The following CCDC178 variants were observed in gnomAD, a reference collection of about 807,000 sequenced individuals.
The protein encoded by CCDC178 is coiled-coil domain containing 178, also known as coiled-coil domain-containing protein 178.
A neutral mutation model predicts 117.4 loss-of-function variants in CCDC178; 126 were observed. The observed-to-expected ratio is 1.07, with a 90% CI of 0.93 to 1.24. The LOEUF is 1.24. Among genes scored for constraint, CCDC178 ranks in the 50% most tolerant of loss-of-function variants. The pLI is 0.00. For synonymous variants in CCDC178, 283 were observed against 313.4 expected (o/e 0.90, Z 1.02); for missense variants, 1,030 against 986.9 (o/e 1.04, Z -0.59).
At chr18:33,151,711 G>C (rs1159179254) in intron 20 of CCDC178, among the ~76,000 whole-genome samples, 1 of 152,076 alleles carries the variant, frequency 6.6e-6, no homozygotes, top group Admixed American at 6.6e-5. Flanking sequence ...GTCAAATCGG[G>C]ATAATAATAT....
In CCDC178 at chr18:33,250,758, A is replaced by G. The variant is rs147794322; in HGVS notation, c.1410-5330T>C. On this transcript the variant is annotated intron_variant, in intron 14 of 22. Transcript: ENST00000383096. ...GTGTATATAGCAAAACTATACCCGAAAAATTTCAGTACCAAAACCCAACAA... is the reference window on the plus strand; with the variant it reads ...GTGTATATAGCAAAACTATACCCGAGAAATTTCAGTACCAAAACCCAACAA... Among the ~76,000 whole-genome samples the G allele has an allele frequency of 1.4e-3, 210 of 151,764 alleles. 1 individual carries two copies. The highest frequency in any genetic ancestry group is 4.8e-3 in the African/African-American group (201 of 41,502).
At chr18:33,308,205 G>A (rs2062284461) in intron 11 of CCDC178, among the ~76,000 whole-genome samples, 1 of 152,252 alleles carries the variant, frequency 6.6e-6, no homozygotes, top group Non-Finnish European at 1.5e-5. Flanking sequence ...AGCCACAGGT[G>A]TGGAGCTGCC....
chr18:33,012,455 G>C (rs2055890343), intron 21 of CCDC178, among the ~76,000 whole-genome samples: 1 of 152,046 alleles, frequency 6.6e-6, no homozygotes, highest in South Asian at 2.1e-4. Context: ...TATGATTTTT[G>C]CCAGCTATTA....
At chr18:33,320,358 C>G (rs1037178210) in intron 11 of CCDC178, among the ~76,000 whole-genome samples, 13 of 152,072 alleles carry the variant, frequency 8.5e-5, no homozygotes, top group Admixed American at 8.5e-4. Context: ...CGTTTCAGCC[C>G]AAAATCTCCT....
chr18:33,366,407 T>C (rs1318770794), intron 6 of CCDC178, among the ~76,000 whole-genome samples: 1 of 152,010 alleles, frequency 6.6e-6, no homozygotes, highest in Non-Finnish European at 1.5e-5. Context: ...CAAACTTTTG[T>C]AACAATTAGA....
chr18:33,423,514 T>G lies in CCDC178; in HGVS notation c.-22-11404A>C, dbSNP rs1183541410. On this transcript the variant is annotated intron_variant, in intron 2 of 22. Transcript: ENST00000383096. ...TTCTCCTATTGATAAACACTTCCATTGTTTTTAAATATTTTCCCTTTTGTA... is the reference window on the plus strand; with the variant it reads ...TTCTCCTATTGATAAACACTTCCATGGTTTTTAAATATTTTCCCTTTTGTA... Among the ~76,000 whole-genome samples, 3 of 152,176 alleles carry G rather than the reference T, an allele frequency of 2.0e-5. No individual in the cohort carries two copies. The East Asian group carries it at 5.8e-4, about 29-fold the overall frequency.
intron 11 of CCDC178, among the ~76,000 whole-genome samples, chr18:33,306,262 T>C (rs2031541302): frequency 1.3e-5 from 2 of 152,082 alleles, no homozygotes; most frequent in Admixed American, 1.3e-4. Context: ...ACAGCCTTCC[T>C]TGGATTATCT....
intron 11 of CCDC178, among the ~76,000 whole-genome samples, chr18:33,304,717 A>C (rs2062225094): frequency 6.6e-6 from 1 of 152,164 alleles, no homozygotes; most frequent in Non-Finnish European, 1.5e-5. Context: ...CAAGATGGTC[A>C]ACTGGACTGA....
intron 20 of CCDC178, among the ~76,000 whole-genome samples, chr18:33,154,977 A>C (rs2058378075): frequency 6.6e-6 from 1 of 152,174 alleles, no homozygotes; most frequent in African/African-American, 2.4e-5. Flanking sequence ...ATACCAAAAA[A>C]ATCATGAAGT....
chr18:33,095,632 T>G, intron 20 of CCDC178, among the ~76,000 whole-genome samples: 1 of 152,060 alleles, frequency 6.6e-6, no homozygotes, highest in East Asian at 1.9e-4. Context: ...TAATATTAAT[T>G]CAGAAATATA....
At chr18:33,277,163 T>C (rs2144806671) in intron 12 of CCDC178, among the ~76,000 whole-genome samples, 1 of 152,150 alleles carries the variant, frequency 6.6e-6, no homozygotes, top group South Asian at 2.1e-4. Flanking sequence ...AAAATTAGTG[T>C]CTCTAATTGC....
intron 6 of CCDC178, among the ~76,000 whole-genome samples, chr18:33,361,507 A>C (rs2144729611): frequency 6.6e-6 from 1 of 151,848 alleles, no homozygotes; most frequent in Middle Eastern, 3.4e-3. Context: ...ATCAAACTAA[A>C]AAAAAATGAA....
intron 7 of CCDC178, among the ~76,000 whole-genome samples, chr18:33,353,982 G>A (rs1437656551): frequency 1.3e-5 from 2 of 152,178 alleles, no homozygotes; most frequent in East Asian, 1.9e-4. Context: ...GACTGCTAGT[G>A]ATACACCCCT....
At chr18:33,044,145 T>A (rs1481695317) in intron 21 of CCDC178, among the ~76,000 whole-genome samples, 2 of 151,842 alleles carry the variant, frequency 1.3e-5, no homozygotes, top group African/African-American at 2.4e-5. Context: ...TCTCCAAGTT[T>A]AAATTTCCTT....
chr18:33,010,343 G>A (rs1249164958), intron 21 of CCDC178, among the ~76,000 whole-genome samples: 1 of 152,134 alleles, frequency 6.6e-6, no homozygotes, highest in Admixed American at 6.5e-5. Context: ...TGGCGGTCAT[G>A]GAAAGCAGGA....
At chr18:32,939,601 G>C (rs1020579270) in intron 22 of CCDC178, among the ~76,000 whole-genome samples, 1 of 152,218 alleles carries the variant, frequency 6.6e-6, no homozygotes, top group African/African-American at 2.4e-5. Context: ...AAGAACTTAG[G>C]TCTTGATTTG....
chr18:33,034,398 A>G (rs1489380419), intron 21 of CCDC178, among the ~76,000 whole-genome samples: 1 of 152,040 alleles, frequency 6.6e-6, no homozygotes, highest in Non-Finnish European at 1.5e-5. Context: ...GTAAACTAGT[A>G]AATTTTATGA....
rs899526055 is a variant in CCDC178 at position 33,092,926 on chromosome 18, A to T, written c.2239-16T>A. On this transcript the variant is annotated splice_polypyrimidine_tract_variant and intron_variant, in intron 20 of 22. Coordinates refer to ENST00000383096, the MANE Select transcript of CCDC178 (RefSeq NM_001105528.4). The stretch of plus-strand genomic sequence containing the variant: ...CTATTATTTTCTAGAAGGTAAAAAA[A>T]TATAATTGAATTGTGTGTATATATA... The T allele has an allele frequency of 6.8e-7, 1 of 1,465,810 alleles. No individual in the cohort carries two copies. Among genetic ancestry groups the T allele is most frequent in the African/African-American group, 1.4e-5 (1 of 69,894 alleles). The allele number at this position is 1,465,810 out of a possible 1,614,324, so 90.8% of individuals were successfully genotyped here. A position where few individuals can be genotyped will look rare whatever the true frequency, so the allele number is the denominator to read the frequency against.
At chr18:33,361,108 A>AT (rs1374134880) in intron 6 of CCDC178, among the ~76,000 whole-genome samples, 2 of 151,728 alleles carry the variant, frequency 1.3e-5, no homozygotes, top group Admixed American at 6.6e-5. Flanking sequence ...AAGCAATCAT[A>AT]ATCAAAACAG....
Sources: gnomAD v4.1 joint callset for allele counts (sites outside exome capture counted in the v4.1 genomes callset) on GRCh38, gnomAD v4.1.1 for gene constraint, MANE v1.5 for transcripts, NCBI Gene and HGNC (gene_info 2026-07-23, HGNC 2026-07-21) for gene names.